Variants in ANKRD17 observed in about 807,000 individuals in gnomAD.
The protein encoded by ANKRD17 is ankyrin repeat domain-containing protein 17.
A neutral mutation model predicts 229.7 loss-of-function variants in ANKRD17; 19 were observed. The ratio of observed to expected loss-of-function variants is 0.08; its 90% CI spans 0.06 to 0.12. The LOEUF is 0.12. Ranked by LOEUF, ANKRD17 falls within the 10% of genes least tolerant of loss-of-function variation. The probability of loss-of-function intolerance (pLI) is 1.00; values close to 1 mark genes in which losing one functional copy is unlikely to be tolerated. For missense variants in ANKRD17, 2,176 were observed against 3,176.8 expected, an observed-to-expected ratio of 0.68 and a Z score of 7.57; for synonymous variants, 1,112 against 1,146.1, an observed-to-expected ratio of 0.97 and a Z score of 0.60.
At chr4:73,186,300 C>T (rs1736281987) in intron 1 of ANKRD17, among the ~76,000 whole-genome samples, 1 of 151,640 alleles carries the variant, frequency 6.6e-6, no homozygotes, top group South Asian at 2.1e-4. Context: ...AACACTAATC[C>T]AAGTATAAGA....
At chr4:73,094,312 A>C (rs1723073967) in intron 27 of ANKRD17, 84 bp from the exon 28 acceptor site, 1 of 1,245,888 alleles carries the variant, frequency 8.0e-7, no homozygotes, top group African/African-American at 1.5e-5. Context: ...AGTATTACTA[A>C]AATGTCTTTC....
Position 73,186,768 on chromosome 4 carries a change from G to C in ANKRD17, c.394-9235C>G, listed in dbSNP as rs562952392. Among the ~76,000 whole-genome samples, 3 of 152,198 alleles carry C rather than the reference G, an allele frequency of 2.0e-5. No individual in the cohort carries two copies. The East Asian group carries it at 5.8e-4, about 29-fold the overall frequency. On this transcript the variant is annotated intron_variant, in intron 1 of 33. Transcript: ENST00000358602. ...AAGTTCTATGGAATTCTCAAATCTA[G>C]AGTTTCTAAGTGGTTTTTCTGTAAC... is the stretch of plus-strand genomic sequence containing the variant.
intron 16 of ANKRD17, among the ~76,000 whole-genome samples, chr4:73,125,627 G>A (rs970610618): frequency 2.6e-5 from 4 of 151,798 alleles, no homozygotes; most frequent in East Asian, 1.9e-4. Flanking sequence ...CAGCTTCTTC[G>A]GAGGCTGAGG....
intron 1 of ANKRD17, among the ~76,000 whole-genome samples, chr4:73,241,641 A>T (rs975282813): frequency 2.6e-5 from 4 of 151,956 alleles, no homozygotes; most frequent in African/African-American, 9.7e-5. Context: ...AACATATAAG[A>T]CTAAAAGGAA....
At chr4:73,212,132 T>TA (rs1470307025) in intron 1 of ANKRD17, among the ~76,000 whole-genome samples, 33 of 152,090 alleles carry the variant, frequency 2.2e-4, no homozygotes, top group Admixed American at 5.9e-4. Flanking sequence ...AGGTGTGGGT[T>TA]GGGCAGAGGG....
chr4:73,113,298 ATGT>A (rs1344714895), intron 24 of ANKRD17: 3 of 1,289,332 alleles, frequency 2.3e-6, no homozygotes, highest in East Asian at 5.5e-5. Context: ...GATGGGAATG[ATGT>A]TGTAGTCTGC....
intron 1 of ANKRD17, among the ~76,000 whole-genome samples, chr4:73,225,861 C>CAAAAAAAAAAAAAAA (rs375866026): frequency 2.4e-4 from 16 of 66,688 alleles, no homozygotes; most frequent in East Asian, 1.1e-3. Context: ...GACTCTGTCT[C>CAAAAAAAAAAAAAAA]AAAAAAAAAA....
chr4:73,166,545 C>G (rs1560635098), intron 2 of ANKRD17, among the ~76,000 whole-genome samples: 1 of 152,088 alleles, frequency 6.6e-6, no homozygotes, highest in African/African-American at 2.4e-5. Context: ...AAACCTTGTT[C>G]AATCTCAACA....
intron 1 of ANKRD17, among the ~76,000 whole-genome samples, chr4:73,210,322 T>C (rs1740082346): frequency 6.6e-6 from 1 of 152,068 alleles, no homozygotes; most frequent in South Asian, 2.1e-4. Context: ...TAAAAAGAAT[T>C]AGCAGTTACA....
intron 7 of ANKRD17, among the ~76,000 whole-genome samples, chr4:73,150,029 A>C (rs963096975): frequency 7.2e-5 from 11 of 152,062 alleles, no homozygotes; most frequent in Non-Finnish European, 1.5e-4. Flanking sequence ...ATTCTTTCAA[A>C]CATGCCATGC....
At position 73,147,344 on chromosome 4, in the gene ANKRD17, A is replaced by G. The variant is rs1020556241; in HGVS notation, c.1656T>C (p.Phe552=). The change falls in exon 9 of 34, where the codon TTT becomes TTC. Residue 552 remains phenylalanine (F), a synonymous_variant. Coordinates refer to ENST00000358602, the MANE Select transcript of ANKRD17 (RefSeq NM_032217.5). ...CTATATCGGCTCCTGCCTTAATTAG[A>G]AAGTCTGCCACTTCCAGAAAGCCTC... ...CCGGFLEVAD[F]LIKAGADIEL... The G allele has an allele frequency of 1.2e-6, 2 of 1,610,520 alleles. No individual in the cohort carries two copies. Among genetic ancestry groups the G allele is most frequent in the South Asian group, 1.1e-5 (1 of 90,612 alleles).
intron 1 of ANKRD17, among the ~76,000 whole-genome samples, chr4:73,239,577 G>C (rs1743820234): frequency 6.6e-6 from 1 of 152,054 alleles, no homozygotes; most frequent in African/African-American, 2.4e-5. Context: ...AAATTACATA[G>C]ATATATCTGT....
rs536787352 is a variant in ANKRD17 at position 73,154,759 on chromosome 4, G to A, written c.1001-646C>T. ...ATGACCTTAAAAAACATTTAATAAC[G>A]GGCCGGGCGCGGTGGCTCACGCCTG... On this transcript the variant is annotated intron_variant, in intron 5 of 33. Coordinates refer to ENST00000358602, the MANE Select transcript of ANKRD17 (RefSeq NM_032217.5). Among the ~76,000 whole-genome samples, 211 of 152,086 alleles carry A rather than the reference G, an allele frequency of 1.4e-3. 1 individual carries two copies. Among genetic ancestry groups the A allele is most frequent in the African/African-American group, 4.7e-3 (194 of 41,484 alleles).
chr4:73,154,035 A>G lies in ANKRD17; in HGVS notation c.1079T>C (p.Ile360Thr), dbSNP rs1221847888. The change falls in exon 6 of 34, where the codon ATT becomes ACT. Residue 360 changes from isoleucine to threonine, a missense_variant. Physicochemically the swap from Ile to Thr is moderately conservative, Grantham distance 89 (BLOSUM62 -1). Around this residue, in one of 18 missense-constraint regions of ANKRD17, gnomAD observed 184 missense variants for 357.8 expected, o/e 0.51. Transcript: ENST00000358602. ...ATGACCATTTTCATTATGGTCCTCA[A>G]TACTAGCACCGGATTCCAAGAGCAC... The part of the protein sequence containing the change: ...VKVLLESGAS[I>T]EDHNENGHTP... 6.2e-7 allele frequency: 1 copy of G among 1,613,038 alleles called. No homozygotes were observed. The highest frequency in any genetic ancestry group is 8.5e-7 in the Non-Finnish European group (1 of 1,179,522).
chr4:73,110,035 A>AAG (rs1725115387), intron 24 of ANKRD17, among the ~76,000 whole-genome samples: 1 of 144,284 alleles, frequency 6.9e-6, no homozygotes, highest in Non-Finnish European at 1.5e-5. Flanking sequence ...AAAAAAAAAA[A>AAG]GGTAGAGGAA....
chr4:73,104,059 C>T (rs1560521590), intron 24 of ANKRD17: 2 of 152,194 alleles, frequency 1.3e-5, no homozygotes, highest in South Asian at 2.1e-4. Flanking sequence ...TGAAGGAAAA[C>T]CTGTAGGTAG....
At chr4:73,204,358 C>CAAAAAAAAAAA (rs374000000) in intron 1 of ANKRD17, among the ~76,000 whole-genome samples, 80 of 58,722 alleles carry the variant, frequency 1.4e-3, no homozygotes, top group Non-Finnish European at 1.7e-3. Flanking sequence ...GAGACTCCGT[C>CAAAAAAAAAAA]AAAAAAAAAA....
chr4:73,114,511 A>G (rs1456263115), intron 23 of ANKRD17, among the ~76,000 whole-genome samples: 1 of 152,104 alleles, frequency 6.6e-6, no homozygotes, highest in African/African-American at 2.4e-5. Context: ...TGCAGTGGCT[A>G]TTAACAGGCA....
intron 17 of ANKRD17, 39 bp downstream of exon 17, chr4:73,125,162 G>T: frequency 1.3e-6 from 2 of 1,588,092 alleles, no homozygotes; most frequent in South Asian, 2.3e-5. Flanking sequence ...TAAATTTTTT[G>T]ACCAGTATTC....
Sources: allele counts gnomAD v4.1 joint callset (sites outside exome capture counted in the v4.1 genomes callset), GRCh38; gene constraint gnomAD v4.1.1; regional missense constraint gnomAD v4.1.1; transcripts MANE v1.5; gene names NCBI Gene and HGNC (gene_info 2026-07-23, HGNC 2026-07-21).